The following GLT8D2 variants were observed in gnomAD, a reference collection of about 807,000 sequenced individuals.
GLT8D2 encodes glycosyltransferase 8 domain containing 2.
In GLT8D2, 45 loss-of-function variants were observed where a neutral mutation model predicts 44.5. The ratio of observed to expected loss-of-function variants is 1.01; its 90% confidence interval spans 0.80 to 1.30. GLT8D2 has a LOEUF of 1.30. GLT8D2 is among the 50% of genes most tolerant of loss of function. GLT8D2 has a pLI of 0.00. For missense variants in GLT8D2, 400 were observed against 430.4 expected, an observed-to-expected ratio of 0.93 and a Z score of 0.62; for synonymous variants, 156 against 157.2, an observed-to-expected ratio of 0.99 and a Z score of 0.06.
intron 5 of GLT8D2, among the ~76,000 whole-genome samples, chr12:103,999,801 G>A (rs1382786642): frequency 6.6e-6 from 1 of 152,158 alleles, no homozygotes; most frequent in Non-Finnish European, 1.5e-5. Flanking sequence ...GAAACAGGAA[G>A]AATGAAAAGT....
chr12:104,012,896 C>A, intron 4 of GLT8D2: 1 of 661,824 alleles, frequency 1.5e-6, no homozygotes, highest in Non-Finnish European at 2.7e-6. Flanking sequence ...GAGAAAAGGC[C>A]ACGTGAGGAC....
chr12:103,991,335 T>C (rs1477819012), intron 10 of GLT8D2, among the ~76,000 whole-genome samples: 2 of 152,142 alleles, frequency 1.3e-5, no homozygotes, highest in Non-Finnish European at 2.9e-5. Context: ...TACAGGTGTG[T>C]GCCACCATGC....
chr12:104,018,571 C>G (rs555300129), intron 3 of GLT8D2, among the ~76,000 whole-genome samples: 1 of 152,044 alleles, frequency 6.6e-6, no homozygotes, highest in Admixed American at 6.6e-5. Context: ...TCAACAGGCC[C>G]GATTAATATT....
chr12:104,039,400 A>G (rs1880292959), intron 1 of GLT8D2, among the ~76,000 whole-genome samples: 1 of 152,232 alleles, frequency 6.6e-6, no homozygotes, highest in Admixed American at 6.5e-5. Context: ...TACCCATCTG[A>G]CAAAGGGCTG....
chr12:104,064,330 G>A, upstream of GLT8D2: 2 of 436,452 alleles, frequency 4.6e-6, no homozygotes, highest in Non-Finnish European at 8.1e-6. This position sits in a 1 kb window ranked among gnomAD's most constrained non-coding sequence, Gnocchi z 7.3. Context: ...ACCCTAAGGT[G>A]CGTTGCTCCG....
At chr12:104,045,986 T>G (rs1450217155) in intron 1 of GLT8D2, among the ~76,000 whole-genome samples, 4 of 140,876 alleles carry the variant, frequency 2.8e-5, no homozygotes, top group Non-Finnish European at 4.8e-5. Context: ...AGAAAGTGAT[T>G]GATTAATCAT....
At chr12:104,022,409 G>GTTA in intron 1 of GLT8D2, among the ~76,000 whole-genome samples, 1 of 152,152 alleles carries the variant, frequency 6.6e-6, no homozygotes, top group South Asian at 2.1e-4. Flanking sequence ...TGTTATACAC[G>GTTA]ATTAAAGTAA....
rs1342355699 is a variant in GLT8D2, at chr12:104,015,002, T to C, written c.112+11A>G. 1.3e-6 allele frequency: 2 copies of C among 1,588,524 alleles called. No homozygotes were observed. The highest frequency in any genetic ancestry group is 3.3e-5 in the Admixed American group (2 of 59,908). On this transcript the variant is annotated intron_variant, in intron 4 of 10. Transcript: ENST00000360814. ...GGGTATCCCAACTCAATGAATTCCA[T>C]GTCTGCTCACCTGCGTCATTCTTGG...
intron 1 of GLT8D2, among the ~76,000 whole-genome samples, chr12:104,030,581 A>G (rs1879124474): frequency 6.6e-6 from 1 of 152,156 alleles, no homozygotes; most frequent in Non-Finnish European, 1.5e-5. Context: ...CAAAGGAGCA[A>G]TCAATAAAAT....
At chr12:103,996,014 A>G (rs1873370659) in intron 8 of GLT8D2, among the ~76,000 whole-genome samples, 1 of 152,244 alleles carries the variant, frequency 6.6e-6, no homozygotes, top group African/African-American at 2.4e-5. Flanking sequence ...CCGAGGTCAT[A>G]AAACTACCAA....
chr12:104,016,774 A>AGAAAGAAAGAAAGAAGGAAG (rs1566199645), intron 3 of GLT8D2, among the ~76,000 whole-genome samples: 3 of 58,398 alleles, frequency 5.1e-5, no homozygotes, highest in African/African-American at 2.4e-4. Context: ...AAAGAAAGAA[A>AGAAAGAAAGAAAGAAGGAAG]GAAGGAAGGA....
chr12:104,024,928 G>C (rs1191937981), intron 1 of GLT8D2, among the ~76,000 whole-genome samples: 2 of 151,882 alleles, frequency 1.3e-5, no homozygotes, highest in East Asian at 3.9e-4. Context: ...AAATTAACCA[G>C]GCGTGGTGGT....
intron 1 of GLT8D2, among the ~76,000 whole-genome samples, chr12:104,038,701 G>C (rs925570395): frequency 6.6e-6 from 1 of 152,146 alleles, no homozygotes; most frequent in Admixed American, 6.5e-5. Context: ...AATTAATATC[G>C]TGAAAATGGC....
intron 10 of GLT8D2, among the ~76,000 whole-genome samples, chr12:103,992,449 G>A (rs185692038): frequency 6.7e-6 from 1 of 149,988 alleles, no homozygotes; most frequent in East Asian, 2.0e-4. Context: ...GTTCAATAAG[G>A]TTTTGAAGTT....
At chr12:104,015,140 C>G (rs1876386248) in intron 3 of GLT8D2, 35 bp from the exon 4 acceptor site, 2 of 1,521,292 alleles carry the variant, frequency 1.3e-6, no homozygotes, top group Non-Finnish European at 1.8e-6. Flanking sequence ...AACATTGAAC[C>G]TATGAACCTG....
intron 4 of GLT8D2, among the ~76,000 whole-genome samples, chr12:104,013,491 A>G (rs369362593): frequency 4.6e-5 from 7 of 152,204 alleles, no homozygotes; most frequent in African/African-American, 1.7e-4. Flanking sequence ...TGGGGCTACT[A>G]TGAATTATAC....
intron 1 of GLT8D2, among the ~76,000 whole-genome samples, chr12:104,060,634 G>A (rs1882567012): frequency 1.3e-5 from 2 of 152,138 alleles, no homozygotes; most frequent in Non-Finnish European, 2.9e-5. Context: ...ATAATAAGAG[G>A]AGAAGAGGCT....
chr12:104,000,249 T>TA (rs1335584429), intron 5 of GLT8D2, among the ~76,000 whole-genome samples: 1 of 152,076 alleles, frequency 6.6e-6, no homozygotes, highest in Non-Finnish European at 1.5e-5. Context: ...TCATATCAAT[T>TA]AAAAAAAGAT....
At chr12:104,048,751 T>C (rs17035144) in intron 1 of GLT8D2, among the ~76,000 whole-genome samples, 13,992 of 152,224 alleles carry the variant, frequency 0.092, 911 homozygotes, top group African/African-American at 0.18. Context: ...ACAGGATGCA[T>C]GATCACTTTT....
Sources: gnomAD v4.1 joint callset for allele counts (sites outside exome capture counted in the v4.1 genomes callset) on GRCh38, gnomAD v4.1.1 for gene constraint, Gnocchi (gnomAD v3.1) non-coding constraint, MANE v1.5 for transcripts, NCBI Gene and HGNC (gene_info 2026-07-23, HGNC 2026-07-21) for gene names.